The following CACNA1B variants were observed in gnomAD, a reference collection of about 807,000 sequenced individuals.
The protein encoded by CACNA1B is calcium voltage-gated channel subunit alpha1 B.
A neutral mutation model predicts 247.2 loss-of-function variants in CACNA1B; 70 were observed. That is an observed-to-expected ratio of 0.28 (90% CI 0.23 to 0.35). The LOEUF (loss-of-function observed/expected upper bound fraction) is 0.35. Ranked by LOEUF, CACNA1B falls within the 10% of genes least tolerant of loss-of-function variation. The pLI, the probability that CACNA1B is intolerant of heterozygous loss-of-function variation, is 1.00. For synonymous variants in CACNA1B, 1,231 were observed against 1,294.4 expected (o/e 0.95, Z 1.05); for missense variants, 2,367 against 3,197.4 (o/e 0.74, Z 6.26).
intron 45 of CACNA1B, 129 bp from the exon 46 acceptor site, chr9:138,120,502 C>T (rs960794231): frequency 7.3e-7 from 1 of 1,373,142 alleles, no homozygotes; most frequent in Non-Finnish European, 9.7e-7. Flanking sequence ...CAGGGTGGGA[C>T]TGAGGCCCAG....
intron 3 of CACNA1B, among the ~76,000 whole-genome samples, chr9:137,910,658 G>A (rs1015216780): frequency 2.0e-5 from 3 of 152,098 alleles, no homozygotes; most frequent in Non-Finnish European, 2.9e-5. Context: ...CATAAGGAGC[G>A]TGCAACCTAG....
chr9:138,011,666 A>C lies in CACNA1B; in HGVS notation c.2161-1463A>C, dbSNP rs557308090. On this transcript the variant is annotated intron_variant, in intron 17 of 46. Coordinates refer to ENST00000371372, the MANE Select transcript of CACNA1B (RefSeq NM_000718.4). This position sits in a 1 kb window ranked among gnomAD's most constrained non-coding sequence, Gnocchi z 4.2. ...CCCCAGAGGGTGGGAAGCTGGATGC[A>C]GCCGGATCTGCGAGGAGGGACCTGG... Among the ~76,000 whole-genome samples the C allele has an allele frequency of 5.3e-5, 8 of 152,298 alleles. No homozygotes were observed. The East Asian group carries it at 1.5e-3, about 29-fold the overall frequency.
At position 138,120,192 on chromosome 9, in the gene CACNA1B, C is replaced by T. The variant is rs996935161; in HGVS notation, c.6058C>T (p.Arg2020Cys). 11 of 1,606,758 alleles carry T rather than the reference C, an allele frequency of 6.8e-6. No homozygotes were observed. Among genetic ancestry groups the T allele is most frequent in the African/African-American group, 4.0e-5 (3 of 74,606 alleles). Residue 2020 changes from arginine (R) to cysteine (C), a missense_variant, in exon 45 of 47, where the codon CGC (arginine) becomes TGC (cysteine). Coordinates refer to ENST00000371372, the MANE Select transcript of CACNA1B (RefSeq NM_000718.4). Reference sequence around the variant, plus strand: ...CGTCACAGATGCCAGCCCCATGAAGCGCTCCATCTCCACGCTGGCCCAGCG... The same window carrying T: ...CGTCACAGATGCCAGCCCCATGAAGTGCTCCATCTCCACGCTGGCCCAGCG... ...QPVTDASPMKRSISTLAQRPR... is the reference protein window; with the variant it reads ...QPVTDASPMKCSISTLAQRPR...
chr9:138,016,054 TCACACAGACACACA>T (rs1214359141), intron 18 of CACNA1B, among the ~76,000 whole-genome samples: 5 of 151,488 alleles, frequency 3.3e-5, no homozygotes, highest in African/African-American at 1.2e-4. Context: ...ACACACAGAC[TCACACAGACACACA>T]CACACAGACC....
intron 40 of CACNA1B, among the ~76,000 whole-genome samples, chr9:138,113,342 G>A (rs1046666650): frequency 6.7e-6 from 1 of 149,318 alleles, no homozygotes; most frequent in Admixed American, 6.6e-5. Context: ...GCACGAGGAG[G>A]TGCCCAACTC....
intron 39 of CACNA1B, among the ~76,000 whole-genome samples, chr9:138,111,301 A>G (rs9314645): frequency 0.047 from 7,111 of 152,384 alleles, 424 homozygotes; most frequent in African/African-American, 0.14. Flanking sequence ...CATACAATTA[A>G]AGAATACTCA....
At position 138,054,053 on chromosome 9, in the gene CACNA1B, A is replaced by C. The variant is rs1175482173; in HGVS notation, c.3968+47A>C. ...GGTGGGACACACAGCCCCATGATGC[A>C]GACAACACTGGGAGTTCCCTTGGGA... On this transcript the variant is annotated intron_variant, in intron 26 of 46. Transcript: ENST00000371372. The surrounding 1 kb of genome is among the most constrained non-coding windows in gnomAD (Gnocchi z 4.6). 2 of 1,571,488 alleles carry C rather than the reference A, an allele frequency of 1.3e-6. No homozygotes were observed. The highest frequency in any genetic ancestry group is 8.8e-7 in the Non-Finnish European group (1 of 1,142,258).
At position 137,973,616 on chromosome 9, in the gene CACNA1B, GT is replaced by G. The variant is rs1958182444; in HGVS notation, c.1543+2028del. On this transcript the variant is annotated intron_variant, in intron 11 of 46. Transcript: ENST00000371372. The surrounding 1 kb of genome is among the most constrained non-coding windows in gnomAD (Gnocchi z 4.1). ...CCATCCTCTTGGAAGACAAAACCTG[GT>G]TTTAGTGATCTGTCTCTGTTTCCCC... Among the ~76,000 whole-genome samples the G allele has an allele frequency of 1.3e-5, 2 of 152,180 alleles. No homozygotes were observed. Among genetic ancestry groups the G allele is most frequent in the South Asian group, 4.1e-4 (2 of 4,834 alleles).
At position 138,114,336 on chromosome 9, in the gene CACNA1B, C is replaced by A. The variant is rs199498030; in HGVS notation, c.5537-42C>A. ...TCCATACCTTGTTTCCGTGGATCCT[C>A]TGCCCCCTTCTCCGAATCTCAACTC... On this transcript the variant is annotated intron_variant, in intron 40 of 46. Coordinates refer to ENST00000371372, the MANE Select transcript of CACNA1B (RefSeq NM_000718.4). 4 of 995,022 alleles carry A rather than the reference C, an allele frequency of 4.0e-6. No individual in the cohort carries two copies. The Admixed American group carries it at 6.0e-5, about 15-fold the overall frequency. 61.6% of individuals were successfully genotyped at this position (995,022 alleles called of 1,614,324 possible). A position where few individuals can be genotyped will look rare whatever the true frequency, so the allele number is the denominator to read the frequency against.
At chr9:137,963,672 T>C (rs1259449160) in intron 10 of CACNA1B, among the ~76,000 whole-genome samples, 3 of 152,158 alleles carry the variant, frequency 2.0e-5, no homozygotes, top group Admixed American at 6.6e-5. Context: ...GCTGGGATTA[T>C]AGTCGTGAGC....
chr9:137,878,561 G>T (rs1405554097), intron 1 of CACNA1B, among the ~76,000 whole-genome samples: 1 of 152,168 alleles, frequency 6.6e-6, no homozygotes, highest in Non-Finnish European at 1.5e-5. Flanking sequence ...CCGTGCGCGC[G>T]CCTGGCTGCA....
chr9:137,941,105 G>A (rs911874220), intron 6 of CACNA1B, among the ~76,000 whole-genome samples: 1 of 152,152 alleles, frequency 6.6e-6, no homozygotes, highest in African/African-American at 2.4e-5. Context: ...ATCCAAATTG[G>A]GAAAGAGGAA....
chr9:137,949,087 G>GTATC (rs1957837486), intron 6 of CACNA1B, among the ~76,000 whole-genome samples: 8 of 14,150 alleles, frequency 5.7e-4, no homozygotes, highest in East Asian at 1.9e-3. Flanking sequence ...TGGTGTGTGT[G>GTATC]TGGTGTGTGC....
chr9:138,102,892 C>T lies in CACNA1B; in HGVS notation c.5319+85C>T. 1 of 795,692 alleles carries T rather than the reference C, an allele frequency of 1.3e-6. No individual in the cohort carries two copies. Among genetic ancestry groups the T allele is most frequent in the African/African-American group, 2.4e-5 (1 of 41,906 alleles). 49.3% of individuals were successfully genotyped at this position (795,692 alleles called of 1,614,324 possible). On this transcript the variant is annotated intron_variant, in intron 38 of 46. Transcript: ENST00000371372. This position sits in a 1 kb window ranked among gnomAD's most constrained non-coding sequence, Gnocchi z 5.4. ...TTGCTGGCTCTCCCAGCTCCTCTCCCTTTCAGGGTGCCCGGCTGTCTGTCT... is the reference window on the plus strand; with the variant it reads ...TTGCTGGCTCTCCCAGCTCCTCTCCTTTTCAGGGTGCCCGGCTGTCTGTCT...
chr9:138,096,639 C>T, intron 37 of CACNA1B, 28 bp downstream of exon 37: 6 of 1,602,066 alleles, frequency 3.7e-6, no homozygotes, highest in Non-Finnish European at 5.1e-6. Context: ...CTCTGTGGTC[C>T]TTGGGGGTGG....
intron 5 of CACNA1B, among the ~76,000 whole-genome samples, chr9:137,916,780 C>T (rs904846647): frequency 6.7e-6 from 1 of 149,120 alleles, no homozygotes; most frequent in Non-Finnish European, 1.5e-5. Flanking sequence ...GAACGGTCCT[C>T]GTGGCAGTTT....
intron 15 of CACNA1B, among the ~76,000 whole-genome samples, chr9:137,999,027 C>G (rs1301110117): frequency 6.6e-6 from 1 of 152,174 alleles, no homozygotes; most frequent in Non-Finnish European, 1.5e-5. Flanking sequence ...TACTGTCCAG[C>G]TGGGCACAGT....
chr9:137,982,833 G>C (rs1174195813), intron 12 of CACNA1B, among the ~76,000 whole-genome samples: 1 of 152,198 alleles, frequency 6.6e-6, no homozygotes, highest in Non-Finnish European at 1.5e-5. Context: ...TATTGATAGG[G>C]TTATCACAGG....
At chr9:137,966,540 T>C (rs1185342702) in intron 10 of CACNA1B, among the ~76,000 whole-genome samples, 1 of 148,206 alleles carries the variant, frequency 6.7e-6, no homozygotes, top group East Asian at 2.0e-4. Flanking sequence ...ATTTTTTTTA[T>C]TTTTTATTTT....
Sources: gnomAD v4.1 joint callset for allele counts (sites outside exome capture counted in the v4.1 genomes callset) on GRCh38, gnomAD v4.1.1 for gene constraint, Gnocchi (gnomAD v3.1) non-coding constraint, MANE v1.5 for transcripts, NCBI Gene and HGNC (gene_info 2026-07-23, HGNC 2026-07-21) for gene names.